Variants in XXYLT1 observed in about 807,000 individuals in gnomAD.
The protein encoded by XXYLT1 is UDP-xylose:alpha-xyloside alpha-1,3-xylosyltransferase.
XXYLT1 carries 20 observed loss-of-function variants against 28.9 expected under a neutral mutation model. The ratio of observed to expected loss-of-function variants is 0.69; its 90% CI spans 0.49 to 1.00. The LOEUF (loss-of-function observed/expected upper bound fraction) is 1.00, where lower values mean the gene tolerates loss of function less well. Among genes scored for constraint, XXYLT1 ranks in the 50% least tolerant of loss-of-function variants. The pLI is 0.00. For synonymous variants in XXYLT1, 257 were observed against 253.8 expected (o/e 1.01, Z -0.12); for missense variants, 542 against 560.1 (o/e 0.97, Z 0.33).
chr3:195,140,921 T>A (rs2108646443), intron 3 of XXYLT1, among the ~76,000 whole-genome samples: 1 of 152,180 alleles, frequency 6.6e-6, no homozygotes, highest in Non-Finnish European at 1.5e-5. Flanking sequence ...TTGGGGGAGT[T>A]ATTAGGTCAT....
At chr3:195,224,223 G>C (rs1463136247) in intron 2 of XXYLT1, among the ~76,000 whole-genome samples, 1 of 152,228 alleles carries the variant, frequency 6.6e-6, no homozygotes, top group Non-Finnish European at 1.5e-5. Flanking sequence ...AAAAGACTGT[G>C]TGTTTGGGTC....
intron 2 of XXYLT1, among the ~76,000 whole-genome samples, chr3:195,196,907 G>A (rs1722647660): frequency 6.6e-6 from 1 of 152,024 alleles, no homozygotes; most frequent in Non-Finnish European, 1.5e-5. Context: ...GACAGGCAGA[G>A]CAGTTAGCAG....
intron 2 of XXYLT1, among the ~76,000 whole-genome samples, chr3:195,162,628 T>C (rs541639607): frequency 5.1e-4 from 78 of 152,220 alleles, no homozygotes; most frequent in Non-Finnish European, 6.0e-4. Flanking sequence ...ACCAAACAAA[T>C]TATCATGAGA....
At chr3:195,203,814 G>T (rs1722952603) in intron 2 of XXYLT1, among the ~76,000 whole-genome samples, 1 of 152,164 alleles carries the variant, frequency 6.6e-6, no homozygotes, top group South Asian at 2.1e-4. Context: ...TCTTGTCTGA[G>T]GTCATCAAGC....
chr3:195,142,570 T>C (rs1211504423), intron 3 of XXYLT1, among the ~76,000 whole-genome samples: 1 of 152,240 alleles, frequency 6.6e-6, no homozygotes, highest in Non-Finnish European at 1.5e-5. Flanking sequence ...TAATTAGTTG[T>C]ACAGAAGGAA....
At chr3:195,146,755 G>A (rs1719876091) in intron 3 of XXYLT1, 2 of 152,510 alleles carry the variant, frequency 1.3e-5, no homozygotes, top group Admixed American at 1.3e-4. Context: ...ATGTTGCCCA[G>A]GCTGGAGTGC....
At chr3:195,238,839 A>G (rs1394431769) in intron 1 of XXYLT1, among the ~76,000 whole-genome samples, 1 of 152,206 alleles carries the variant, frequency 6.6e-6, no homozygotes, top group Non-Finnish European at 1.5e-5. Context: ...GGAAGCTGAC[A>G]AGAGGGTTCT....
chr3:195,183,685 C>G (rs1333798546), intron 2 of XXYLT1: 1 of 152,192 alleles, frequency 6.6e-6, no homozygotes, highest in African/African-American at 2.4e-5. Context: ...TCAAGTCCCT[C>G]CAGAATGATC....
intron 3 of XXYLT1, among the ~76,000 whole-genome samples, chr3:195,151,002 G>T (rs893615980): frequency 6.6e-6 from 1 of 151,968 alleles, no homozygotes; most frequent in African/African-American, 2.4e-5. Context: ...CCACAGTTGG[G>T]CTTCCTAACT....
At chr3:195,238,938 C>G (rs1420029213) in intron 1 of XXYLT1, among the ~76,000 whole-genome samples, 1 of 152,192 alleles carries the variant, frequency 6.6e-6, no homozygotes, top group Non-Finnish European at 1.5e-5. Context: ...CTGCTGCAGC[C>G]AAACTAAGGG....
At chr3:195,130,459 A>T (rs1386907448) in intron 3 of XXYLT1, among the ~76,000 whole-genome samples, 1 of 152,266 alleles carries the variant, frequency 6.6e-6, no homozygotes, top group East Asian at 1.9e-4. Flanking sequence ...TGGAGACACC[A>T]GGTAAGATTA....
chr3:195,221,778 T>G (rs1723836757), intron 2 of XXYLT1, among the ~76,000 whole-genome samples: 1 of 151,878 alleles, frequency 6.6e-6, no homozygotes, highest in South Asian at 2.1e-4. Flanking sequence ...ATGCTTCCAG[T>G]GGCGACAAAC....
chr3:195,246,637 A>C (rs1038040929), intron 1 of XXYLT1, among the ~76,000 whole-genome samples: 1 of 152,230 alleles, frequency 6.6e-6, no homozygotes, highest in African/African-American at 2.4e-5. Flanking sequence ...ACACTCCTCC[A>C]GGCTGATGAG....
At chr3:195,235,957 G>C (rs1244853732) in intron 1 of XXYLT1, among the ~76,000 whole-genome samples, 1 of 142,566 alleles carries the variant, frequency 7.0e-6, no homozygotes, top group Non-Finnish European at 1.6e-5. Context: ...TAGACATAGA[G>C]ATATACACCT....
chr3:195,110,851 T>TGG (rs1284404952), intron 3 of XXYLT1, among the ~76,000 whole-genome samples: 1,456 of 37,430 alleles, frequency 0.039, 46 homozygotes, highest in African/African-American at 0.13. Flanking sequence ...GTTGTGTGTG[T>TGG]TGTATAAGTG....
At chr3:195,094,786 C>G (rs1371240857) in intron 3 of XXYLT1, 2 of 153,884 alleles carry the variant, frequency 1.3e-5, no homozygotes, top group East Asian at 3.9e-4. Flanking sequence ...CTCCACACAG[C>G]CTGCGAAGGC....
chr3:195,074,536 G>T (rs1002861624), intron 3 of XXYLT1, among the ~76,000 whole-genome samples: 1 of 152,202 alleles, frequency 6.6e-6, no homozygotes, highest in Non-Finnish European at 1.5e-5. Flanking sequence ...GTCCAGGAGG[G>T]AAAAGCAACA....
chr3:195,207,367 C>T (rs1486159469), intron 2 of XXYLT1: 4 of 421,904 alleles, frequency 9.5e-6, no homozygotes, highest in South Asian at 3.4e-5. Context: ...TGCCCTTCTT[C>T]AACAGAGGGT....
intron 1 of XXYLT1, among the ~76,000 whole-genome samples, chr3:195,265,379 AAG>A (rs1725816433): frequency 6.6e-6 from 1 of 152,152 alleles, no homozygotes; most frequent in Non-Finnish European, 1.5e-5. Flanking sequence ...AAAAAAAAAA[AAG>A]AAAAAAATGC....
Sources: allele counts gnomAD v4.1 joint callset (sites outside exome capture counted in the v4.1 genomes callset), GRCh38; gene constraint gnomAD v4.1.1; transcripts MANE v1.5; gene names NCBI Gene and HGNC (gene_info 2026-07-23, HGNC 2026-07-21).